Variants in CRTC1 observed in about 807,000 individuals in gnomAD.
The protein encoded by CRTC1 is CREB regulated transcription coactivator 1.
CRTC1 carries 18 observed loss-of-function variants against 66.1 expected under a neutral mutation model. That is an observed-to-expected ratio of 0.27 (90% CI 0.19 to 0.40). The LOEUF is 0.40. Ranked by LOEUF, CRTC1 falls within the 10% of genes least tolerant of loss-of-function variation. The probability of loss-of-function intolerance (pLI) is 1.00; values close to 1 mark genes in which losing one functional copy is unlikely to be tolerated. For synonymous variants in CRTC1, 416 were observed against 398.8 expected, an observed-to-expected ratio of 1.04 and a Z score of -0.51; for missense variants, 669 against 887.9, an observed-to-expected ratio of 0.75 and a Z score of 3.13.
At chr19:18,685,796 G>T (rs573513061) in intron 1 of CRTC1, among the ~76,000 whole-genome samples, 2 of 152,302 alleles carry the variant, frequency 1.3e-5, no homozygotes, top group African/African-American at 4.8e-5. Flanking sequence ...TGCAGTTGTT[G>T]TCAAATGTTT....
chr19:18,712,708 C>T (rs2053419030), intron 1 of CRTC1, among the ~76,000 whole-genome samples: 1 of 152,056 alleles, frequency 6.6e-6, no homozygotes, highest in African/African-American at 2.4e-5. Flanking sequence ...TCCTATAATC[C>T]CAACGCTTTG....
intron 1 of CRTC1, among the ~76,000 whole-genome samples, chr19:18,694,648 C>G (rs2052940664): frequency 1.3e-5 from 2 of 152,032 alleles, no homozygotes; most frequent in Admixed American, 1.3e-4. Flanking sequence ...GTTGTCCAGG[C>G]TGGTCTCAAA....
chr19:18,708,894 C>T (rs1029845442), intron 1 of CRTC1, among the ~76,000 whole-genome samples: 1 of 152,328 alleles, frequency 6.6e-6, no homozygotes, highest in Admixed American at 6.5e-5. Context: ...GAGCTGTGCT[C>T]AGTTCAGGCA....
rs375916144 is a variant in CRTC1, at chr19:18,762,280, C to T, written c.886+2052C>T. ...CAAGCACAAGGAAACACACAACATA[C>T]GTGGAAGCTGGAGCCGGCGCTGGCC... On this transcript the variant is annotated intron_variant, in intron 8 of 13. Transcript: ENST00000321949. Among the ~76,000 whole-genome samples, 87 of 152,368 alleles carry T rather than the reference C, an allele frequency of 5.7e-4. 1 individual carries two copies. Among genetic ancestry groups the T allele is most frequent in the African/African-American group, 2.0e-3 (84 of 41,590 alleles).
At chr19:18,753,224 T>C (rs771710362) in intron 5 of CRTC1, among the ~76,000 whole-genome samples, 15 of 151,908 alleles carry the variant, frequency 9.9e-5, no homozygotes, top group Non-Finnish European at 2.1e-4. Flanking sequence ...TGCAGTGAGC[T>C]GAGATTGTGC....
In CRTC1 at chr19:18,771,974, C is replaced by T. The variant is rs577680609; in HGVS notation, c.1425+428C>T. Among the ~76,000 whole-genome samples the T allele has an allele frequency of 2.0e-5, 3 of 152,158 alleles. No homozygotes were observed. The highest frequency in any genetic ancestry group is 4.4e-5 in the Non-Finnish European group (3 of 68,030). Reference sequence around the variant, plus strand: ...CGCAGGGAAGGCGCTGACTCTGCAGCCCTGCTTTCCCCTTCACCCCATAGG... The same window carrying T: ...CGCAGGGAAGGCGCTGACTCTGCAGTCCTGCTTTCCCCTTCACCCCATAGG... On this transcript the variant is annotated intron_variant, in intron 11 of 13. Coordinates refer to ENST00000321949, the MANE Select transcript of CRTC1 (RefSeq NM_015321.3). This position sits in a 1 kb window ranked among gnomAD's most constrained non-coding sequence, Gnocchi z 4.6.
intron 11 of CRTC1, among the ~76,000 whole-genome samples, chr19:18,773,816 G>T (rs1568543000): frequency 6.6e-6 from 1 of 152,082 alleles, no homozygotes; most frequent in East Asian, 1.9e-4. Flanking sequence ...TGTCTCTGTT[G>T]TCTGCCCACT....
At chr19:18,756,139 G>A (rs2145788536) in intron 6 of CRTC1, among the ~76,000 whole-genome samples, 1 of 152,126 alleles carries the variant, frequency 6.6e-6, no homozygotes, top group African/African-American at 2.4e-5. Flanking sequence ...TTTGACACCA[G>A]CCTCGACAAC....
At position 18,770,522 on chromosome 19, in the gene CRTC1, G is replaced by A. The variant is rs538155441; in HGVS notation, c.1321-920G>A. On this transcript the variant is annotated intron_variant, in intron 10 of 13. Coordinates refer to ENST00000321949, the MANE Select transcript of CRTC1 (RefSeq NM_015321.3). ...CCTGCCCAGGGCACACAGTCAGCGA[G>A]AGCCGGGAACAGGAGGCAGCCTTGG... 1.1e-4 allele frequency among the ~76,000 whole-genome samples: 17 copies of A among 152,366 alleles called. No homozygotes were observed. The South Asian group carries it at 3.5e-3, about 32-fold the overall frequency.
chr19:18,766,029 T>C (rs2054727227), intron 9 of CRTC1, among the ~76,000 whole-genome samples: 1 of 152,184 alleles, frequency 6.6e-6, no homozygotes, highest in Non-Finnish European at 1.5e-5. Flanking sequence ...TTGTCTACTT[T>C]TTTGGGTAGT....
chr19:18,745,277 C>T (rs190238356), intron 2 of CRTC1, among the ~76,000 whole-genome samples: 3 of 152,228 alleles, frequency 2.0e-5, no homozygotes, highest in Admixed American at 1.3e-4. Context: ...GTGTGGGGGC[C>T]GCGTCTCAAT....
rs992738885 is a variant in CRTC1 at position 18,781,139 on chromosome 19, C to G, written c.*3757C>G. ...TGTGTGGGGGTGGGACGCAGGGGCT[C>G]TCAGAGCAAGGGCCACAAAGCCGAT... On this transcript the variant is annotated 3_prime_UTR_variant, in exon 14 of 14. Coordinates refer to ENST00000321949, the MANE Select transcript of CRTC1 (RefSeq NM_015321.3). 2 of 227,382 alleles carry G rather than the reference C, an allele frequency of 8.8e-6. No individual in the cohort carries two copies. Among genetic ancestry groups the G allele is most frequent in the African/African-American group, 4.5e-5 (2 of 44,942 alleles). 14.1% of individuals were successfully genotyped at this position (227,382 alleles called of 1,614,324 possible).
chr19:18,743,186 A>G (rs2145728603), intron 2 of CRTC1, among the ~76,000 whole-genome samples, 160 bp downstream of exon 2: 1 of 152,376 alleles, frequency 6.6e-6, no homozygotes, highest in Non-Finnish European at 1.5e-5. Flanking sequence ...GAGGAAGCAG[A>G]GTGGCCCCAC....
intron 7 of CRTC1, 75 bp from the exon 8 acceptor site, chr19:18,759,933 C>CCCGCCAGCCCCCTGTTCCCG (rs2054575899): frequency 1.0e-6 from 1 of 991,356 alleles, no homozygotes; most frequent in Admixed American, 2.6e-5. Flanking sequence ...CTGATTTTCT[C>CCCGCCAGCCCCCTGTTCCCG]CCGCCAGCCC....
intron 1 of CRTC1, among the ~76,000 whole-genome samples, chr19:18,688,669 C>T (rs909316368): frequency 6.6e-6 from 1 of 152,054 alleles, no homozygotes; most frequent in African/African-American, 2.4e-5. Context: ...AACTCCCGAC[C>T]TCAGGTGATC....
At chr19:18,764,337 G>A (rs144805231) in intron 8 of CRTC1, among the ~76,000 whole-genome samples, 16 of 152,342 alleles carry the variant, frequency 1.1e-4, no homozygotes, top group South Asian at 4.1e-4. Context: ...ACTTTGAACC[G>A]GAGAGGGCGG....
At chr19:18,692,814 G>A (rs2052876824) in intron 1 of CRTC1, among the ~76,000 whole-genome samples, 1 of 151,940 alleles carries the variant, frequency 6.6e-6, no homozygotes, top group Non-Finnish European at 1.5e-5. Context: ...GGTGGCTCAC[G>A]CCTGTAATCC....
chr19:18,708,707 A>G (rs2053320595), intron 1 of CRTC1, among the ~76,000 whole-genome samples: 1 of 152,080 alleles, frequency 6.6e-6, no homozygotes, highest in African/African-American at 2.4e-5. Flanking sequence ...GAGCGTGGGG[A>G]CCGAGGTCAG....
intron 1 of CRTC1, among the ~76,000 whole-genome samples, chr19:18,724,006 T>C (rs2053687155): frequency 6.6e-6 from 1 of 152,198 alleles, no homozygotes; most frequent in African/African-American, 2.4e-5. Context: ...CACTGTATGC[T>C]GCACTTATGA....
Sources: gnomAD v4.1 joint callset for allele counts (sites outside exome capture counted in the v4.1 genomes callset) on GRCh38, gnomAD v4.1.1 for gene constraint, Gnocchi (gnomAD v3.1) non-coding constraint, MANE v1.5 for transcripts, NCBI Gene and HGNC (gene_info 2026-07-23, HGNC 2026-07-21) for gene names.